The following CLIC5 variants were observed in gnomAD, a reference collection of about 807,000 sequenced individuals.
The protein encoded by CLIC5 is chloride intracellular channel protein 5.
Under a neutral mutation model 24.7 loss-of-function variants are expected in CLIC5, and 20 were observed. The observed-to-expected ratio is 0.81, with a 90% CI of 0.57 to 1.18. The LOEUF is 1.18. Among genes scored for constraint, CLIC5 ranks in the 50% most tolerant of loss-of-function variants. The pLI is 0.00. For missense variants in CLIC5, 341 were observed against 326.1 expected (o/e 1.05, Z -0.35); for synonymous variants, 159 against 135.6 (o/e 1.17, Z -1.20).
At chr6:45,941,447 C>A in intron 4 of CLIC5, 100 bp downstream of exon 4, 1 of 919,644 alleles carries the variant, frequency 1.1e-6, no homozygotes, top group Non-Finnish European at 1.8e-6. Context: ...CCAGATGCTT[C>A]TCTGGCCCAA....
the CLIC5 span, among the ~76,000 whole-genome samples, chr6:46,086,265 C>T: frequency 1.4e-4 from 22 of 152,364 alleles, no homozygotes; most frequent in Non-Finnish European, 2.2e-4. Flanking sequence ...CCTGTGCCCA[C>T]TGTCTGGCAC....
At chr6:45,911,124 A>C (rs1762804514) in intron 5 of CLIC5, among the ~76,000 whole-genome samples, 1 of 152,164 alleles carries the variant, frequency 6.6e-6, no homozygotes, top group African/African-American at 2.4e-5. Context: ...TAAGTTTGTA[A>C]GTTTTAATAA....
chr6:46,001,414 A>G (rs773688284), intron 1 of CLIC5, among the ~76,000 whole-genome samples: 1 of 152,074 alleles, frequency 6.6e-6, no homozygotes, highest in African/African-American at 2.4e-5. Flanking sequence ...CTTGAACTGA[A>G]CCCCAACTTC....
chr6:46,044,595 A>G lies in CLIC5; in HGVS notation c.540+35108T>C, dbSNP rs1463568506. On this transcript the variant is annotated intron_variant, in intron 1 of 5. Coordinates refer to the CLIC5 transcript ENST00000185206. ...GTGATCTTTTGCTTCACATCTGGAG[A>G]GCAGACCCGCTTGACAGTGGCAGGA... Among the ~76,000 whole-genome samples the G allele has an allele frequency of 7.9e-5, 12 of 152,232 alleles. No individual in the cohort carries two copies. In the East Asian group the frequency reaches 1.9e-3, roughly 24 times the overall value.
chr6:45,887,563 G>C (rs988224763), intron 6 of CLIC5, among the ~76,000 whole-genome samples: 12 of 151,796 alleles, frequency 7.9e-5, no homozygotes, highest in Non-Finnish European at 7.4e-5. Flanking sequence ...TATATCTCAA[G>C]CATAGTTTTT....
intron 1 of CLIC5, among the ~76,000 whole-genome samples, chr6:46,033,876 A>AGAC (rs1161016786): frequency 6.6e-6 from 1 of 152,192 alleles, no homozygotes; most frequent in Admixed American, 6.5e-5. Flanking sequence ...TGACATCTAG[A>AGAC]GACTGGTTTT....
chr6:45,925,379 C>T (rs576929573), intron 4 of CLIC5, among the ~76,000 whole-genome samples: 24 of 148,894 alleles, frequency 1.6e-4, no homozygotes, highest in South Asian at 1.5e-3. Context: ...TGCAATGGTG[C>T]GATCTCAGCT....
intron 1 of CLIC5, among the ~76,000 whole-genome samples, chr6:46,049,863 A>C (rs1768055041): frequency 6.6e-6 from 1 of 152,262 alleles, no homozygotes; most frequent in African/African-American, 2.4e-5. Context: ...TGCTGAGTTA[A>C]ACAAGATTCA....
chr6:46,124,116 C>T, the CLIC5 span, among the ~76,000 whole-genome samples: 15 of 152,172 alleles, frequency 9.9e-5, no homozygotes, highest in African/African-American at 3.6e-4. Flanking sequence ...AAAGAGCCCA[C>T]ATTGCCAAGT....
chr6:45,964,140 C>G (rs555069713), intron 1 of CLIC5, among the ~76,000 whole-genome samples: 1 of 152,164 alleles, frequency 6.6e-6, no homozygotes, highest in Admixed American at 6.5e-5. Flanking sequence ...CCAAGTTTGG[C>G]TGTTTCTGCT....
chr6:45,938,659 G>C (rs1338496790), intron 4 of CLIC5, among the ~76,000 whole-genome samples: 1 of 152,216 alleles, frequency 6.6e-6, no homozygotes, highest in East Asian at 1.9e-4. Context: ...GAGTTTATAA[G>C]AAATGGATAT....
intron 6 of CLIC5, among the ~76,000 whole-genome samples, chr6:45,888,446 T>C (rs957890751): frequency 3.3e-5 from 5 of 151,974 alleles, no homozygotes; most frequent in Admixed American, 6.6e-5. Flanking sequence ...GGGGAAAAAA[T>C]TCATGAAAAT....
intron 1 of CLIC5, among the ~76,000 whole-genome samples, chr6:46,020,967 T>C (rs1767160852): frequency 1.3e-5 from 2 of 151,282 alleles, no homozygotes; most frequent in Admixed American, 1.3e-4. Flanking sequence ...ATACCTTCAT[T>C]AATGAATTCT....
chr6:46,000,256 C>T (rs929853678), intron 1 of CLIC5, among the ~76,000 whole-genome samples: 1 of 152,004 alleles, frequency 6.6e-6, no homozygotes, highest in Non-Finnish European at 1.5e-5. Flanking sequence ...GGGTCAGTGC[C>T]CCTAACCTCC....
chr6:45,926,248 A>T (rs1232579979), intron 4 of CLIC5, among the ~76,000 whole-genome samples: 1 of 110,402 alleles, frequency 9.1e-6, no homozygotes, highest in Admixed American at 8.9e-5. Context: ...TATATATTTT[A>T]TTTTTTTTAT....
At chr6:46,046,154 A>G (rs1053543205) in intron 1 of CLIC5, among the ~76,000 whole-genome samples, 7 of 152,172 alleles carry the variant, frequency 4.6e-5, no homozygotes, top group Admixed American at 2.0e-4. Context: ...CCAGAGATGA[A>G]ACTTGCCTTG....
At chr6:45,994,085 C>A (rs1766039862) in intron 1 of CLIC5, among the ~76,000 whole-genome samples, 1 of 152,054 alleles carries the variant, frequency 6.6e-6, no homozygotes, top group South Asian at 2.1e-4. Context: ...TCACTAAAGG[C>A]AGGGCTCATG....
At chr6:46,025,394 A>G (rs924349895) in intron 1 of CLIC5, among the ~76,000 whole-genome samples, 1 of 152,140 alleles carries the variant, frequency 6.6e-6, no homozygotes, top group African/African-American at 2.4e-5. Context: ...GGGAGCTACT[A>G]TTGTTACCTC....
chr6:45,905,428 G>T (rs1039894557), intron 5 of CLIC5, among the ~76,000 whole-genome samples: 39 of 147,784 alleles, frequency 2.6e-4, no homozygotes, highest in Admixed American at 1.2e-3. Flanking sequence ...TGTGAGGGAG[G>T]TGTCTCCTTG....
Sources: allele counts gnomAD v4.1 joint callset (sites outside exome capture counted in the v4.1 genomes callset), GRCh38; gene constraint gnomAD v4.1.1; transcripts MANE v1.5; gene names NCBI Gene and HGNC (gene_info 2026-07-23, HGNC 2026-07-21).